The following TRIM23 variants were observed in gnomAD, a reference collection of about 807,000 sequenced individuals.
TRIM23 encodes the protein E3 ubiquitin-protein ligase TRIM23.
A neutral mutation model predicts 71.0 loss-of-function variants in TRIM23; 27 were observed. The ratio of observed to expected loss-of-function variants is 0.38; its 90% CI spans 0.28 to 0.52. The LOEUF is 0.52. Among genes scored for constraint, TRIM23 ranks in the 20% least tolerant of loss-of-function variants. TRIM23 has a pLI of 0.84. For missense variants in TRIM23, 482 were observed against 692.3 expected (o/e 0.70, Z 3.41); for synonymous variants, 234 against 238.0 (o/e 0.98, Z 0.16).
At chr5:65,599,424 T>C (rs140451991) in intron 7 of TRIM23, among the ~76,000 whole-genome samples, 3 of 152,314 alleles carry the variant, frequency 2.0e-5, no homozygotes, top group Non-Finnish European at 2.9e-5. Flanking sequence ...TCAACCAAGA[T>C]GGTGAAAGAC....
At chr5:65,598,196 C>T (rs1397196470) in intron 7 of TRIM23, among the ~76,000 whole-genome samples, 3 of 152,140 alleles carry the variant, frequency 2.0e-5, no homozygotes, top group African/African-American at 4.8e-5. Context: ...TATATTATGG[C>T]TCCAAATCTA....
intron 1 of TRIM23, 118 bp downstream of exon 1, chr5:65,624,076 G>C (rs965751567): frequency 8.5e-7 from 1 of 1,174,892 alleles, no homozygotes. Flanking sequence ...ATGCCAAAAG[G>C]GGCCCAGAGG....
intron 6 of TRIM23, 78 bp from the exon 7 acceptor site, chr5:65,605,123 A>G (rs1754461624): frequency 1.5e-6 from 2 of 1,359,376 alleles, no homozygotes; most frequent in Non-Finnish European, 2.0e-6. Flanking sequence ...CCAACTCACA[A>G]TAAAAGCAGT....
At position 65,590,366 on chromosome 5, in the gene TRIM23, CTTTT is replaced by C; in HGVS notation, c.*1399_*1402del. Reference sequence around the variant, plus strand: ...ACATATTGCCCATAATACTGATAGGCTTTTTTTTTAATGCTTTGTTTTCTAAAAC... The same window carrying C: ...ACATATTGCCCATAATACTGATAGGCTTTTTAATGCTTTGTTTTCTAAAAC... On this transcript the variant is annotated 3_prime_UTR_variant, in exon 11 of 11. Transcript: ENST00000231524. 2 of 1,364,334 alleles carry C rather than the reference CTTTT, an allele frequency of 1.5e-6. No individual in the cohort carries two copies. The highest frequency in any genetic ancestry group is 1.9e-4 in the Middle Eastern group (1 of 5,252). 84.5% of individuals were successfully genotyped at this position (1,364,334 alleles called of 1,614,324 possible).
Position 65,593,912 on chromosome 5 carries a change from C to A in TRIM23, c.1545+609G>T, listed in dbSNP as rs536048331. The stretch of plus-strand genomic sequence containing the variant: ...TACCCCTAGAATTATAGTATTGAAA[C>A]ACTGATATGATCTTATTACCCACTA... On this transcript the variant is annotated intron_variant, in intron 10 of 10. Coordinates refer to ENST00000231524, the MANE Select transcript of TRIM23 (RefSeq NM_001656.4). Among the ~76,000 whole-genome samples, 13 of 152,320 alleles carry A rather than the reference C, an allele frequency of 8.5e-5. No homozygotes were observed. In the East Asian group the frequency reaches 2.1e-3, roughly 25 times the overall value.
At chr5:65,615,171 G>T (rs753040079) in intron 2 of TRIM23, among the ~76,000 whole-genome samples, 1 of 151,958 alleles carries the variant, frequency 6.6e-6, no homozygotes, top group African/African-American at 2.4e-5. Flanking sequence ...CAAAGTGCTG[G>T]GATTACAGGT....
At chr5:65,617,757 T>C (rs1754813321) in intron 2 of TRIM23, among the ~76,000 whole-genome samples, 1 of 152,200 alleles carries the variant, frequency 6.6e-6, no homozygotes, top group Non-Finnish European at 1.5e-5. Context: ...AAAGAAAACA[T>C]TGTTCTATTG....
At chr5:65,603,016 A>G (rs558518694) in intron 7 of TRIM23, among the ~76,000 whole-genome samples, 1 of 152,216 alleles carries the variant, frequency 6.6e-6, no homozygotes, top group Non-Finnish European at 1.5e-5. Flanking sequence ...ATGCTACAAT[A>G]TGGATGAATT....
Position 65,596,913 on chromosome 5 carries a change from T to C in TRIM23, c.1309+138A>G, listed in dbSNP as rs1007536652. 4 of 1,086,088 alleles carry C rather than the reference T, an allele frequency of 3.7e-6. No individual in the cohort carries two copies. In the African/African-American group the frequency reaches 6.3e-5, roughly 17 times the overall value. The allele number at this position is 1,086,088 out of a possible 1,614,324, so 67.3% of individuals were successfully genotyped here. A position where few individuals can be genotyped will look rare whatever the true frequency, so the allele number is the denominator to read the frequency against. ...AATCCCATAGTCATACAATCTTGCA[T>C]TTTTTCTCTGAGATGCTGATATCTT... On this transcript the variant is annotated intron_variant, in intron 8 of 10. Transcript: ENST00000231524.
In TRIM23 at chr5:65,591,567, A is replaced by T; in HGVS notation, c.*202T>A. The T allele has an allele frequency of 1.5e-6, 2 of 1,365,038 alleles. No homozygotes were observed. The highest frequency in any genetic ancestry group is 1.9e-6 in the Non-Finnish European group (2 of 1,037,268). 84.6% of individuals were successfully genotyped at this position (1,365,038 alleles called of 1,614,324 possible). A position where few individuals can be genotyped will look rare whatever the true frequency, so the allele number is the denominator to read the frequency against. ...AATAAGTTTCTATTTAATTCAATCTAATCTGCTCAATTAGAAATTTAATTC... is the reference window on the plus strand; with the variant it reads ...AATAAGTTTCTATTTAATTCAATCTTATCTGCTCAATTAGAAATTTAATTC... On this transcript the variant is annotated 3_prime_UTR_variant, in exon 11 of 11. Coordinates refer to ENST00000231524, the MANE Select transcript of TRIM23 (RefSeq NM_001656.4).
At chr5:65,615,114 C>T (rs1171450560) in intron 2 of TRIM23, among the ~76,000 whole-genome samples, 3 of 151,756 alleles carry the variant, frequency 2.0e-5, no homozygotes, top group Admixed American at 6.6e-5. Flanking sequence ...CTGGTCAGGC[C>T]GGTCTCAAAA....
Position 65,614,079 on chromosome 5 carries a change from C to A in TRIM23, c.366+19G>T. 6.2e-7 allele frequency: 1 copy of A among 1,605,630 alleles called. No individual in the cohort carries two copies. The highest frequency in any genetic ancestry group is 8.5e-7 in the Non-Finnish European group (1 of 1,177,080). ...AAATTCATGCTCGTAACAAATATTT[C>A]ACCAAGTATGATCAATACCTCTCCA... On this transcript the variant is annotated intron_variant, in intron 3 of 10. Coordinates refer to ENST00000231524, the MANE Select transcript of TRIM23 (RefSeq NM_001656.4).
chr5:65,609,218 C>T (rs757485760), intron 6 of TRIM23, 25 bp downstream of exon 6: 1 of 1,611,654 alleles, frequency 6.2e-7, no homozygotes, highest in East Asian at 2.2e-5. Context: ...ACAACTAAGT[C>T]CCTAACCACA....
intron 6 of TRIM23, among the ~76,000 whole-genome samples, chr5:65,607,347 T>C (rs761438225): frequency 7.2e-5 from 11 of 152,186 alleles, no homozygotes; most frequent in African/African-American, 1.2e-4. Flanking sequence ...CATCTCGAAT[T>C]GTAATCCCCA....
chr5:65,618,015 G>A (rs1754818142), intron 2 of TRIM23, 78 bp downstream of exon 2: 2 of 1,373,586 alleles, frequency 1.5e-6, no homozygotes, highest in Middle Eastern at 1.9e-4. Context: ...AAAATCAAGT[G>A]GAAGGACATT....
chr5:65,592,000 T>C, intron 10 of TRIM23, 52 bp from the exon 11 acceptor site: 1 of 1,499,332 alleles, frequency 6.7e-7, no homozygotes, highest in Non-Finnish European at 9.0e-7. Flanking sequence ...TTATAATTTT[T>C]CTAATTATCA....
At chr5:65,604,756 G>A (rs1754453589) in intron 7 of TRIM23, 155 bp downstream of exon 7, 1 of 595,050 alleles carries the variant, frequency 1.7e-6, no homozygotes, top group Non-Finnish European at 2.7e-6. Context: ...CTGCCGAAGT[G>A]AGCACACCAT....
intron 1 of TRIM23, among the ~76,000 whole-genome samples, chr5:65,622,699 G>T (rs920397926): frequency 1.3e-5 from 2 of 152,016 alleles, no homozygotes; most frequent in Admixed American, 1.3e-4. Context: ...TGAAGATTTT[G>T]TCAGAAAGGA....
chr5:65,595,700 T>C (rs1026813506), intron 9 of TRIM23, among the ~76,000 whole-genome samples: 4 of 150,852 alleles, frequency 2.7e-5, no homozygotes, highest in African/African-American at 9.8e-5. Flanking sequence ...TACTCCTGCC[T>C]GGGCAACAAA....
Sources: allele counts gnomAD v4.1 joint callset (sites outside exome capture counted in the v4.1 genomes callset), GRCh38; gene constraint gnomAD v4.1.1; transcripts MANE v1.5; gene names NCBI Gene and HGNC (gene_info 2026-07-23, HGNC 2026-07-21).